TLE1: variants seen among roughly 807,000 people sequenced by gnomAD.
TLE1 encodes the protein TLE family member 1, transcriptional corepressor, also known as transducin-like enhancer protein 1.
In TLE1, 21 loss-of-function variants were observed where a neutral mutation model predicts 89.8. The ratio of observed to expected loss-of-function variants is 0.23; its 90% confidence interval spans 0.17 to 0.34. The LOEUF is 0.34. Among genes scored for constraint, TLE1 ranks in the 10% least tolerant of loss-of-function variants. The pLI is 1.00. For missense variants in TLE1, 795 were observed against 1,031.2 expected (o/e 0.77, Z 3.14); for synonymous variants, 447 against 407.6 (o/e 1.10, Z -1.16).
At position 81,689,503 on chromosome 9, in the gene TLE1, G is replaced by A. The variant is rs1834758356; in HGVS notation, c.-1263C>T. 1.3e-5 allele frequency among the ~76,000 whole-genome samples: 2 copies of A among 152,220 alleles called. No individual in the cohort carries two copies. Among genetic ancestry groups the A allele is most frequent in the East Asian group, 1.9e-4 (1 of 5,160 alleles). On this transcript the variant is annotated 5_prime_UTR_variant, in exon 1 of 20. Transcript: ENST00000376499. ...TGCTGCTGCTGCTTCTGCAGCCGCC[G>A]CTCCCACCGCCGCCGCCGCCCGCGC...
At chr9:81,657,904 A>ATTTTT (rs34624864) in intron 4 of TLE1, among the ~76,000 whole-genome samples, 3 of 134,010 alleles carry the variant, frequency 2.2e-5, no homozygotes, top group African/African-American at 8.5e-5. Flanking sequence ...TACAGACATA[A>ATTTTT]TTTTTTTTTT....
chr9:81,612,390 A>C, intron 12 of TLE1: 2 of 990,308 alleles, frequency 2.0e-6, no homozygotes, highest in Non-Finnish European at 2.4e-6. Context: ...ATGAAAATCC[A>C]ATCCTGGATT....
intron 11 of TLE1, among the ~76,000 whole-genome samples, chr9:81,615,352 G>C (rs11788383): frequency 6.7e-6 from 1 of 150,158 alleles, no homozygotes; most frequent in Non-Finnish European, 1.5e-5. Flanking sequence ...AAGAATCTCA[G>C]AAGTTTGAAC....
intron 16 of TLE1, among the ~76,000 whole-genome samples, chr9:81,588,874 C>G (rs1829025733): frequency 6.6e-6 from 1 of 152,188 alleles, no homozygotes; most frequent in African/African-American, 2.4e-5. Context: ...ATCCCCACAC[C>G]TTATCATTCC....
At chr9:81,597,026 C>T (rs1587895513) in intron 14 of TLE1, among the ~76,000 whole-genome samples, 1 of 152,148 alleles carries the variant, frequency 6.6e-6, no homozygotes, top group African/African-American at 2.4e-5. Flanking sequence ...AATCAAGTGC[C>T]CAAACTTTGC....
intron 8 of TLE1, among the ~76,000 whole-genome samples, chr9:81,624,435 T>C (rs527726431): frequency 6.6e-6 from 1 of 152,266 alleles, no homozygotes; most frequent in Admixed American, 6.5e-5. Flanking sequence ...CCTACAGACC[T>C]ATTTGCCACT....
chr9:81,592,140 C>T (rs1829622227), intron 15 of TLE1, among the ~76,000 whole-genome samples: 1 of 152,192 alleles, frequency 6.6e-6, no homozygotes, highest in Non-Finnish European at 1.5e-5. Flanking sequence ...GGGCGGATCA[C>T]AAGGTCAGGA....
At chr9:81,658,080 T>G (rs1830355107) in intron 4 of TLE1, among the ~76,000 whole-genome samples, 1 of 151,322 alleles carries the variant, frequency 6.6e-6, no homozygotes. Flanking sequence ...CCGGCTAATT[T>G]TTTGTATTTT....
At chr9:81,631,842 C>T (rs923189271) in intron 8 of TLE1, among the ~76,000 whole-genome samples, 3 of 152,208 alleles carry the variant, frequency 2.0e-5, no homozygotes, top group South Asian at 4.1e-4. Context: ...GTGGCTCAGG[C>T]CTGCAATCCC....
At position 81,688,320 on chromosome 9, in the gene TLE1, A is replaced by T; in HGVS notation, c.-80T>A. On this transcript the variant is annotated 5_prime_UTR_variant, in exon 1 of 20. Transcript: ENST00000376499. ...TTCCAACTTTAATCCCGCCGAGGAA[A>T]ATTAAGCCGGAAAGCCAAGCAGAAG... The T allele has an allele frequency of 7.1e-7, 1 of 1,414,410 alleles. No individual in the cohort carries two copies. Among genetic ancestry groups the T allele is most frequent in the Non-Finnish European group, 9.3e-7 (1 of 1,077,466 alleles). The allele number at this position is 1,414,410 out of a possible 1,614,324, so 87.6% of individuals were successfully genotyped here. A position where few individuals can be genotyped will look rare whatever the true frequency, so the allele number is the denominator to read the frequency against.
At chr9:81,670,394 T>G (rs1464659643) in intron 4 of TLE1, among the ~76,000 whole-genome samples, 4 of 152,136 alleles carry the variant, frequency 2.6e-5, no homozygotes, top group Admixed American at 2.6e-4. Context: ...GGGGCAATCT[T>G]GGCTCACTGC....
intron 3 of TLE1, 29 bp from the exon 4 acceptor site, chr9:81,685,749 T>TC: frequency 6.2e-7 from 1 of 1,612,450 alleles, no homozygotes; most frequent in Non-Finnish European, 8.5e-7. Context: ...ATCAAGCATT[T>TC]CATTAACTCA....
At chr9:81,685,782 C>T in intron 3 of TLE1, 51 bp downstream of exon 3, 1 of 1,611,942 alleles carries the variant, frequency 6.2e-7, no homozygotes, top group Non-Finnish European at 8.5e-7. Context: ...TCTGCTAACA[C>T]GTTTGCTAAT....
At chr9:81,641,814 G>C (rs1376270317) in intron 6 of TLE1, among the ~76,000 whole-genome samples, 2 of 152,132 alleles carry the variant, frequency 1.3e-5, no homozygotes, top group Non-Finnish European at 2.9e-5. Context: ...CCTGAGTTTG[G>C]GAGTTTGAGA....
At chr9:81,639,772 T>TG (rs199918261) in intron 6 of TLE1, among the ~76,000 whole-genome samples, 7,051 of 151,830 alleles carry the variant, frequency 0.046, 588 homozygotes, top group African/African-American at 0.16. Context: ...TTAGTAGAGA[T>TG]GGGGTTTTGC....
chr9:81,606,786 ACC>A (rs778885941), intron 14 of TLE1, among the ~76,000 whole-genome samples: 39 of 142,754 alleles, frequency 2.7e-4, no homozygotes, highest in Admixed American at 2.4e-3. Context: ...TAAAAAAAAA[ACC>A]ATATATATAT....
In TLE1 at chr9:81,604,297, TG is replaced by T. The variant is rs371891089; in HGVS notation, c.1331+5922del. Among the ~76,000 whole-genome samples the T allele has an allele frequency of 2.1e-3, 323 of 152,120 alleles. 2 individuals carry two copies. Among genetic ancestry groups the T allele is most frequent in the Middle Eastern group, 6.8e-3 (2 of 294 alleles). ...TCAATAAAATCTGTGAAAGTGTGGATGGAAAGGAAGTGACAGGATCTGGATC... is the reference window on the plus strand; with the variant it reads ...TCAATAAAATCTGTGAAAGTGTGGATGAAAGGAAGTGACAGGATCTGGATC... On this transcript the variant is annotated intron_variant, in intron 14 of 19. Transcript: ENST00000376499.
intron 14 of TLE1, chr9:81,600,255 T>A: frequency 1.7e-6 from 1 of 575,630 alleles, no homozygotes; most frequent in Non-Finnish European, 3.2e-6. Context: ...ACGAGCATTA[T>A]CCAAGCAAGA....
chr9:81,590,565 G>A (rs558653931), intron 16 of TLE1, among the ~76,000 whole-genome samples: 1 of 152,194 alleles, frequency 6.6e-6, no homozygotes, highest in African/African-American at 2.4e-5. Flanking sequence ...TCTGTATGTG[G>A]GCTGAAGAAT....
Sources: gnomAD v4.1 joint callset for allele counts (sites outside exome capture counted in the v4.1 genomes callset) on GRCh38, gnomAD v4.1.1 for gene constraint, MANE v1.5 for transcripts, NCBI Gene and HGNC (gene_info 2026-07-23, HGNC 2026-07-21) for gene names.